Variants in APC observed in about 807,000 individuals in gnomAD.
APC encodes APC regulator of Wnt signaling pathway, also known as adenomatous polyposis coli protein.
In APC, 72 loss-of-function variants were observed where a neutral mutation model predicts 247.0. That is an observed-to-expected ratio of 0.29 (90% CI 0.24 to 0.35). The LOEUF (loss-of-function observed/expected upper bound fraction) is 0.35, where lower values mean the gene tolerates loss of function less well. Ranked by LOEUF, APC falls within the 10% of genes least tolerant of loss-of-function variation. The pLI is 1.00. For synonymous variants in APC, 1,254 were observed against 1,162.5 expected, an observed-to-expected ratio of 1.08 and a Z score of -1.60; for missense variants, 3,400 against 3,360.7, an observed-to-expected ratio of 1.01 and a Z score of -0.29.
Position 112,838,141 on chromosome 5 carries a change from T to C in APC, c.2547T>C (p.Asp849=), listed in dbSNP as rs766086010. The C allele has an allele frequency of 1.2e-6, 2 of 1,614,042 alleles. No homozygotes were observed. Among genetic ancestry groups the C allele is most frequent in the African/African-American group, 1.3e-5 (1 of 74,902 alleles). The change falls in exon 16 of 16, where the codon GAT becomes GAC. Residue 849 remains aspartate, a synonymous_variant. Transcript: ENST00000257430. ...GSLDSSRSEK[D]RSLERERGIG... ...TAGATAGTTCTCGTTCTGAAAAAGA[T>C]AGAAGTTTGGAGAGAGAACGCGGAA... is the stretch of plus-strand genomic sequence containing the variant.
intron 2 of APC, among the ~76,000 whole-genome samples, chr5:112,760,649 A>C (rs1271021427): frequency 6.6e-6 from 1 of 152,210 alleles, no homozygotes; most frequent in Non-Finnish European, 1.5e-5. Flanking sequence ...TTTTCCATTC[A>C]AGATAAATGT....
At chr5:112,791,305 A>AAAT (rs1263568517) in intron 6 of APC, among the ~76,000 whole-genome samples, 1 of 152,208 alleles carries the variant, frequency 6.6e-6, no homozygotes, top group African/African-American at 2.4e-5. Context: ...GTTGGAGAAA[A>AAAT]AATAATGTTT....
intron 6 of APC, among the ~76,000 whole-genome samples, chr5:112,785,749 TA>T (rs1277653815): frequency 5.3e-5 from 8 of 152,142 alleles, no homozygotes; most frequent in African/African-American, 1.9e-4. Flanking sequence ...AATTACTCAA[TA>T]AATTATATAG....
chr5:112,745,357 A>C (rs1753531422), intron 1 of APC, among the ~76,000 whole-genome samples: 1 of 152,082 alleles, frequency 6.6e-6, no homozygotes. Flanking sequence ...CCCTAGATCA[A>C]AGAGGAAATC....
intron 1 of APC, among the ~76,000 whole-genome samples, chr5:112,720,590 A>G (rs907115730): frequency 1.3e-5 from 2 of 152,188 alleles, no homozygotes; most frequent in East Asian, 1.9e-4. Flanking sequence ...ATATGAGGGA[A>G]TTTCTCTCCA....
rs1402950946 is a variant in APC, at chr5:112,819,075, G to A, written c.1043G>A (p.Arg348Gln). Reference sequence around the variant, plus strand: ...TCCCAAGACAGCTGTATATCCATGCGACAGTCTGGATGTCTTCCTCTCCTC... The same window carrying A: ...TCCCAAGACAGCTGTATATCCATGCAACAGTCTGGATGTCTTCCTCTCCTC... ...SSSQDSCISMRQSGCLPLLIQ... is the reference protein window; with the variant it reads ...SSSQDSCISMQQSGCLPLLIQ... The change falls in exon 10 of 16, where the codon CGA becomes CAA. Residue 348 changes from arginine to glutamine, a missense_variant. Physicochemically the swap from Arg to Gln is conservative, Grantham distance 43 (BLOSUM62 1). Transcript: ENST00000257430. 4.3e-6 allele frequency: 7 copies of A among 1,614,052 alleles called. No individual in the cohort carries two copies. Among genetic ancestry groups the A allele is most frequent in the Admixed American group, 1.7e-5 (1 of 59,994 alleles).
chr5:112,727,139 A>C (rs1489173326), intron 1 of APC, among the ~76,000 whole-genome samples: 1 of 152,064 alleles, frequency 6.6e-6, no homozygotes, highest in African/African-American at 2.4e-5. Flanking sequence ...CAGGTGATCA[A>C]GAGGTTTCCA....
chr5:112,799,974 G>A (rs923330918), intron 7 of APC, among the ~76,000 whole-genome samples: 2 of 152,070 alleles, frequency 1.3e-5, no homozygotes, highest in African/African-American at 2.4e-5. Context: ...AACCTCCAGA[G>A]TATATCATAT....
At chr5:112,825,794 CTAAGT>C (rs1272125527) in intron 11 of APC, among the ~76,000 whole-genome samples, 4 of 152,198 alleles carry the variant, frequency 2.6e-5, no homozygotes, top group African/African-American at 9.7e-5. Flanking sequence ...AATCCCAGGT[CTAAGT>C]TAAGTCCACC....
chr5:112,819,061 C>T lies in APC; in HGVS notation c.1029C>T (p.Ser343=), dbSNP rs762233995. 1 of 1,614,006 alleles carries T rather than the reference C, an allele frequency of 6.2e-7. No individual in the cohort carries two copies. Among genetic ancestry groups the T allele is most frequent in the African/African-American group, 1.3e-5 (1 of 74,904 alleles). Residue 343 remains serine (S), a synonymous_variant, in exon 10 of 16, where the codon AGC becomes AGT. Coordinates refer to ENST00000257430, the MANE Select transcript of APC (RefSeq NM_000038.6). ...TAGCTATGTCTAGCTCCCAAGACAG[C>T]TGTATATCCATGCGACAGTCTGGAT... ...TLLAMSSSQD[S]CISMRQSGCL...
rs747757945 is a variant in APC at position 112,766,312 on chromosome 5, G to A, written c.136-14G>A. On this transcript the variant is annotated splice_polypyrimidine_tract_variant and intron_variant, in intron 2 of 15. Coordinates refer to ENST00000257430, the MANE Select transcript of APC (RefSeq NM_000038.6). Reference sequence around the variant, plus strand: ...TTAGAATTTCATGTTAATATATTGTGTTCTTTTTAACAGGAAGTACTTAAA... The same window carrying A: ...TTAGAATTTCATGTTAATATATTGTATTCTTTTTAACAGGAAGTACTTAAA... 4 of 1,525,854 alleles carry A rather than the reference G, an allele frequency of 2.6e-6. No homozygotes were observed. The highest frequency in any genetic ancestry group is 1.7e-5 in the Admixed American group (1 of 59,872). 94.5% of individuals were successfully genotyped at this position (1,525,854 alleles called of 1,614,324 possible). A position where few individuals can be genotyped will look rare whatever the true frequency, so the allele number is the denominator to read the frequency against.
At position 112,843,820 on chromosome 5, in the gene APC, A is replaced by G. The variant is rs1404406885; in HGVS notation, c.8226A>G (p.Gln2742=). The stretch of plus-strand genomic sequence containing the variant: ...AAGGAACTGAGATAAAACCAGGACA[A>G]AATAATCCTGTCCCTGTATCAGAGA... ...DQKGTEIKPG[Q]NNPVPVSETN... Residue 2742 remains glutamine (Q), a synonymous_variant, in exon 16 of 16, where the codon CAA becomes CAG. Transcript: ENST00000257430. This position sits in a 1 kb window ranked among gnomAD's most constrained non-coding sequence, Gnocchi z 4.8. 2 of 1,613,984 alleles carry G rather than the reference A, an allele frequency of 1.2e-6. No homozygotes were observed. Among genetic ancestry groups the G allele is most frequent in the Admixed American group, 3.3e-5 (2 of 60,000 alleles).
At chr5:112,790,074 G>T (rs939700492) in intron 6 of APC, among the ~76,000 whole-genome samples, 2 of 151,960 alleles carry the variant, frequency 1.3e-5, no homozygotes, top group Non-Finnish European at 1.5e-5. Flanking sequence ...TCCCTAGGCT[G>T]GTCTCAAACT....
chr5:112,818,845 G>GC (rs1762784440), intron 9 of APC, 121 bp from the exon 10 acceptor site: 8 of 707,380 alleles, frequency 1.1e-5, no homozygotes, highest in South Asian at 9.3e-5. Flanking sequence ...TTTTTTTTTT[G>GC]GCGGGGGGGG....
intron 5 of APC, among the ~76,000 whole-genome samples, chr5:112,780,323 T>G (rs1758184689): frequency 6.6e-6 from 1 of 152,190 alleles, no homozygotes; most frequent in Admixed American, 6.5e-5. Context: ...AAAAGTTCTC[T>G]CAACTTAATC....
At position 112,801,326 on chromosome 5, in the gene APC, G is replaced by C. The variant is rs147704593; in HGVS notation, c.777G>C (p.Arg259=). Residue 259 remains arginine, a synonymous_variant, in exon 8 of 16, where the codon CGG becomes CGC. Coordinates refer to ENST00000257430, the MANE Select transcript of APC (RefSeq NM_000038.6). ...AAACCGGCTCACATGATGCTGAGCG[G>C]CAGAATGAAGGTCAAGGAGTGGGAG... is the stretch of plus-strand genomic sequence containing the variant. ...KHETGSHDAE[R]QNEGQGVGEI... is the part of the protein sequence containing the mutation. The C allele has an allele frequency of 6.2e-7, 1 of 1,612,968 alleles. No homozygotes were observed.
rs1327025958 is a variant in APC at position 112,843,139 on chromosome 5, A to G, written c.7545A>G (p.Ile2515Met). ...TCCCACCTAATCTCAGTCCCACTAT[A>G]GAGTATAATGATGGAAGACCAGCAA... ...RKLPPNLSPT[I>M]EYNDGRPAKR... Residue 2515 changes from isoleucine to methionine, a missense_variant, in exon 16 of 16, where the codon ATA becomes ATG. Physicochemically the swap from Ile to Met is conservative, Grantham distance 10 (BLOSUM62 1). Around this residue, in one of 9 missense-constraint regions of APC, gnomAD observed 1,788 missense variants for 1,649.5 expected, o/e 1.08. Transcript: ENST00000257430. This position sits in a 1 kb window ranked among gnomAD's most constrained non-coding sequence, Gnocchi z 4.8. The G allele has an allele frequency of 6.2e-7, 1 of 1,613,900 alleles. No homozygotes were observed. The highest frequency in any genetic ancestry group is 1.1e-5 in the South Asian group (1 of 91,090).
chr5:112,714,586 A>T (rs1751048793), intron 1 of APC, among the ~76,000 whole-genome samples: 1 of 152,216 alleles, frequency 6.6e-6, no homozygotes, highest in South Asian at 2.1e-4. Flanking sequence ...GGGCTAGCTT[A>T]TCTTAATGGT....
intron 1 of APC, among the ~76,000 whole-genome samples, chr5:112,743,253 A>G (rs766892822): frequency 2.0e-5 from 3 of 152,248 alleles, no homozygotes; most frequent in Non-Finnish European, 2.9e-5. Flanking sequence ...CTTTGTGATT[A>G]CATTGGGTCC....
Sources: gnomAD v4.1 joint callset for allele counts (sites outside exome capture counted in the v4.1 genomes callset) on GRCh38, gnomAD v4.1.1 for gene constraint, gnomAD v4.1.1 regional missense constraint, Gnocchi (gnomAD v3.1) non-coding constraint, MANE v1.5 for transcripts, NCBI Gene and HGNC (gene_info 2026-07-23, HGNC 2026-07-21) for gene names.